Variants in IQCC observed in about 807,000 individuals in gnomAD.
IQCC encodes IQ motif containing C, also known as IQ domain-containing protein C.
In IQCC, 23 loss-of-function variants were observed where a neutral mutation model predicts 27.0. The observed-to-expected ratio is 0.85, with a 90% confidence interval of 0.61 to 1.21. The LOEUF is 1.21. Ranked by LOEUF, IQCC falls within the 50% of genes most tolerant of loss-of-function variation. The pLI is 0.00. For missense variants in IQCC, 552 were observed against 562.3 expected, an observed-to-expected ratio of 0.98 and a Z score of 0.19; for synonymous variants, 220 against 217.2, an observed-to-expected ratio of 1.01 and a Z score of -0.11.
rs564797132 is a variant in IQCC, at chr1:32,207,337, G to A, written c.656G>A (p.Arg219Lys). 6.2e-7 allele frequency: 1 copy of A among 1,614,050 alleles called. No homozygotes were observed. Among genetic ancestry groups the A allele is most frequent in the South Asian group, 1.1e-5 (1 of 91,074 alleles). The stretch of plus-strand genomic sequence containing the variant: ...GAACATGGGGAACAGGCCTGTGAGA[G>A]GGACCAGTCACAACCAAGCGCACCA... The part of the protein sequence containing the change: ...FLEHGEQACE[R>K]DQSQPSAPLE... Residue 219 changes from arginine to lysine, a missense_variant, in exon 5 of 5, where the codon AGG (arginine) becomes AAG (lysine). By Grantham distance (26) the Arg-to-Lys change is conservative (BLOSUM62 2). Coordinates refer to ENST00000291358, the MANE Select transcript of IQCC (RefSeq NM_018134.3).
chr1:32,207,481 A>C lies in IQCC; in HGVS notation c.800A>C (p.Asn267Thr). The change falls in exon 5 of 5, where the codon AAC becomes ACC. Residue 267 changes from asparagine to threonine, a missense_variant. Transcript: ENST00000291358. ...SPGSLATTQK[N>T]IAGAKCREPC... ...GGAAGTTTGGCCACTACACAAAAAA[A>C]CATTGCTGGGGCTAAGTGCAGAGAA... 1.2e-6 allele frequency: 2 copies of C among 1,613,406 alleles called. No homozygotes were observed. Among genetic ancestry groups the C allele is most frequent in the Non-Finnish European group, 1.7e-6 (2 of 1,179,732 alleles).
chr1:32,205,782 G>A lies in IQCC; in HGVS notation c.42+59G>A, dbSNP rs1643309172. ...TCCTTTAGGGAAATCATGGGGTCTC[G>A]TACCTGGACCTCCCAGCGAGATGCT... On this transcript the variant is annotated intron_variant, in intron 1 of 4. Transcript: ENST00000291358. This position sits in a 1 kb window ranked among gnomAD's most constrained non-coding sequence, Gnocchi z 5.6. 2 of 1,598,252 alleles carry A rather than the reference G, an allele frequency of 1.3e-6. No individual in the cohort carries two copies. Among genetic ancestry groups the A allele is most frequent in the Admixed American group, 3.5e-5 (2 of 56,466 alleles).
In IQCC at chr1:32,207,572, G is replaced by C. The variant is rs1240373665; in HGVS notation, c.891G>C (p.Arg297Ser). Residue 297 changes from arginine (R) to serine (S), a missense_variant, in exon 5 of 5, where the codon AGG becomes AGC. Transcript: ENST00000291358. ...IPSNSQALGD[R>S]LTKGPDDGRQ... is the part of the protein sequence containing the mutation. ...CAAACAGCCAGGCCTTGGGGGACAG[G>C]CTCACCAAAGGGCCAGACGATGGAA... 1.2e-6 allele frequency: 2 copies of C among 1,612,786 alleles called. No homozygotes were observed. The highest frequency in any genetic ancestry group is 2.2e-5 in the South Asian group (2 of 91,058).
Position 32,207,100 on chromosome 1 carries a change from G to A in IQCC, c.538G>A (p.Ala180Thr). ...CATGGAATTGCTGTGGCTGCAACAG[G>A]CCATCAATAGCCGTAAGGAGGTAAC... is the stretch of plus-strand genomic sequence containing the variant. ...LAMELLWLQQ[A>T]INSRKEYLLL... Residue 180 changes from alanine to threonine, a missense_variant, in exon 4 of 5, where the codon GCC becomes ACC. By Grantham distance (58) the Ala-to-Thr change is moderately conservative (BLOSUM62 0). Transcript: ENST00000291358. 1 of 1,609,402 alleles carries A rather than the reference G, an allele frequency of 6.2e-7. No homozygotes were observed. Among genetic ancestry groups the A allele is most frequent in the African/African-American group, 1.3e-5 (1 of 74,832 alleles).
Position 32,205,687 on chromosome 1 carries a change from G to A in IQCC, c.6G>A (p.Glu2=), listed in dbSNP as rs754960759. ...GGGCCTGGCAGTTGGCGCCCATGGA[G>A]CCAGAGCTGCTGGTTCGGAAGGTGT... M[E]PELLVRKVSA... The change falls in exon 1 of 5, where the codon GAG becomes GAA. Residue 2 remains glutamate, a synonymous_variant. Transcript: ENST00000291358. The surrounding 1 kb of genome is among the most constrained non-coding windows in gnomAD (Gnocchi z 5.6). 2 of 1,604,496 alleles carry A rather than the reference G, an allele frequency of 1.2e-6. No individual in the cohort carries two copies. Among genetic ancestry groups the A allele is most frequent in the Admixed American group, 1.7e-5 (1 of 59,610 alleles).
Position 32,207,994 on chromosome 1 carries a change from C to T in IQCC, c.1313C>T (p.Ser438Leu). Residue 438 changes from serine (S) to leucine (L), a missense_variant, in exon 5 of 5, where the codon TCA becomes TTA. Transcript: ENST00000291358. Reference sequence around the variant, plus strand: ...AGGACTATACCATGGAGATCAAAGTCACCTGAGATTCTGTCTTCTACAAAG... The same window carrying T: ...AGGACTATACCATGGAGATCAAAGTTACCTGAGATTCTGTCTTCTACAAAG... Reference protein sequence around the residue: ...KQRTIPWRSKSPEILSSTKAG... With the variant: ...KQRTIPWRSKLPEILSSTKAG... The T allele has an allele frequency of 6.2e-7, 1 of 1,614,192 alleles. No individual in the cohort carries two copies. The highest frequency in any genetic ancestry group is 8.5e-7 in the Non-Finnish European group (1 of 1,180,010).
intron 4 of IQCC, 56 bp from the exon 5 acceptor site, chr1:32,207,184 A>C: frequency 1.9e-6 from 3 of 1,602,180 alleles, no homozygotes; most frequent in African/African-American, 1.3e-5. Context: ...GGGAGAGACG[A>C]CCTGCCATGC....
At position 32,205,965 on chromosome 1, in the gene IQCC, C is replaced by T. The variant is rs1173581814; in HGVS notation, c.43-189C>T. The T allele has an allele frequency of 1.3e-6, 2 of 1,554,258 alleles. No homozygotes were observed. Among genetic ancestry groups the T allele is most frequent in the Non-Finnish European group, 1.7e-6 (2 of 1,148,400 alleles). On this transcript the variant is annotated intron_variant, in intron 1 of 4. Transcript: ENST00000291358. The surrounding 1 kb of genome is among the most constrained non-coding windows in gnomAD (Gnocchi z 5.6). The stretch of plus-strand genomic sequence containing the variant: ...CAGGGAAACGGGAAGAGCCTTAAGG[C>T]GAGGAGGGGCATCCAGTCTGGCATC...
chr1:32,207,567 G>T lies in IQCC; in HGVS notation c.886G>T (p.Asp296Tyr), dbSNP rs1643404055. The T allele has an allele frequency of 3.1e-6, 5 of 1,612,638 alleles. No individual in the cohort carries two copies. The highest frequency in any genetic ancestry group is 2.2e-5 in the East Asian group (1 of 44,872). ...ACCATCAAACAGCCAGGCCTTGGGG[G>T]ACAGGCTCACCAAAGGGCCAGACGA... is the stretch of plus-strand genomic sequence containing the variant. ...SIPSNSQALG[D>Y]RLTKGPDDGR... Residue 296 changes from aspartate to tyrosine, a missense_variant, in exon 5 of 5, where the codon GAC becomes TAC. Physicochemically the swap from Asp to Tyr is radical, Grantham distance 160. Transcript: ENST00000291358.
rs1643328091 is a variant in IQCC, at chr1:32,206,179, G to C, written c.68G>C (p.Arg23Pro). The change falls in exon 2 of 5, where the codon CGA becomes CCA. Residue 23 changes from arginine (R) to proline (P), a missense_variant. Physicochemically the swap from Arg to Pro is moderately radical, Grantham distance 103. Transcript: ENST00000291358. ...GCCTGCGTCCGGGGCTTCTTGGTCCGACGCCAGTTCCAGAGCCTGCGAGCT... is the reference window on the plus strand; with the variant it reads ...GCCTGCGTCCGGGGCTTCTTGGTCCCACGCCAGTTCCAGAGCCTGCGAGCT... ...LQACVRGFLV[R>P]RQFQSLRAEY... 1 of 1,614,026 alleles carries C rather than the reference G, an allele frequency of 6.2e-7. No homozygotes were observed. The highest frequency in any genetic ancestry group is 1.3e-5 in the African/African-American group (1 of 74,914).
chr1:32,207,709 C>T lies in IQCC; in HGVS notation c.1028C>T (p.Ser343Phe), dbSNP rs552569695. 13 of 1,614,058 alleles carry T rather than the reference C, an allele frequency of 8.1e-6. No homozygotes were observed. In the African/African-American group the frequency reaches 1.6e-4, roughly 20 times the overall value. The change falls in exon 5 of 5, where the codon TCT (serine) becomes TTT (phenylalanine). Residue 343 changes from serine to phenylalanine, a missense_variant. Physicochemically the swap from Ser to Phe is radical, Grantham distance 155. Coordinates refer to ENST00000291358, the MANE Select transcript of IQCC (RefSeq NM_018134.3). ...CCCAGGAAGTCCAGGACACAGCTGTCTGCACTCTATGAGGACTCAAATATT... is the reference window on the plus strand; with the variant it reads ...CCCAGGAAGTCCAGGACACAGCTGTTTGCACTCTATGAGGACTCAAATATT... ...HCPRKSRTQL[S>F]ALYEDSNIKE...
chr1:32,206,341 G>A (rs759921004), intron 2 of IQCC, 44 bp downstream of exon 2: 1 of 1,608,792 alleles, frequency 6.2e-7, no homozygotes, highest in East Asian at 2.2e-5. Flanking sequence ...ACTTGGGCAG[G>A]GTGGAACCCA....
At position 32,205,970 on chromosome 1, in the gene IQCC, A is replaced by T; in HGVS notation, c.43-184A>T. The T allele has an allele frequency of 1.3e-6, 2 of 1,555,786 alleles. No homozygotes were observed. The highest frequency in any genetic ancestry group is 1.7e-6 in the Non-Finnish European group (2 of 1,149,124). The stretch of plus-strand genomic sequence containing the variant: ...AAACGGGAAGAGCCTTAAGGCGAGG[A>T]GGGGCATCCAGTCTGGCATCGTCCC... On this transcript the variant is annotated intron_variant, in intron 1 of 4. Transcript: ENST00000291358. This position sits in a 1 kb window ranked among gnomAD's most constrained non-coding sequence, Gnocchi z 5.6.
In IQCC at chr1:32,208,186, C is replaced by T. The variant is rs1467605631; in HGVS notation, c.*104C>T. 1.2e-5 allele frequency: 16 copies of T among 1,294,440 alleles called. No individual in the cohort carries two copies. The highest frequency in any genetic ancestry group is 4.8e-5 in the South Asian group (3 of 62,830). 80.2% of individuals were successfully genotyped at this position (1,294,440 alleles called of 1,614,324 possible). The stretch of plus-strand genomic sequence containing the variant: ...TCCCTGACCAGCTCTGGCTTCTGCT[C>T]CTGCCCCTGGCCATTGGTGACTAGT... On this transcript the variant is annotated 3_prime_UTR_variant, in exon 5 of 5. Coordinates refer to ENST00000291358, the MANE Select transcript of IQCC (RefSeq NM_018134.3).
chr1:32,206,873 C>G, intron 3 of IQCC, 112 bp downstream of exon 3: 1 of 1,455,768 alleles, frequency 6.9e-7, no homozygotes, highest in South Asian at 1.3e-5. Context: ...CCCGTCTTCC[C>G]TCTGCCGGGA....
In IQCC at chr1:32,207,718, A is replaced by G. The variant is rs373454952; in HGVS notation, c.1037A>G (p.Tyr346Cys). ...RKSRTQLSAL[Y>C]EDSNIKEMSP... The stretch of plus-strand genomic sequence containing the variant: ...TCCAGGACACAGCTGTCTGCACTCT[A>G]TGAGGACTCAAATATTAAGGAGATG... Residue 346 changes from tyrosine (Y) to cysteine (C), a missense_variant, in exon 5 of 5, where the codon TAT (tyrosine) becomes TGT (cysteine). Physicochemically the swap from Tyr to Cys is radical, Grantham distance 194. Transcript: ENST00000291358. 8.5e-5 allele frequency: 137 copies of G among 1,613,878 alleles called. No homozygotes were observed. The highest frequency in any genetic ancestry group is 5.3e-4 in the South Asian group (48 of 91,084).
Position 32,205,981 on chromosome 1 carries a change from G to A in IQCC, c.43-173G>A, listed in dbSNP as rs1386074837. 3.9e-6 allele frequency: 6 copies of A among 1,558,272 alleles called. No individual in the cohort carries two copies. The African/African-American group carries it at 8.2e-5, about 21-fold the overall frequency. ...GCCTTAAGGCGAGGAGGGGCATCCAGTCTGGCATCGTCCCTCGAGCCCCCC... is the reference window on the plus strand; with the variant it reads ...GCCTTAAGGCGAGGAGGGGCATCCAATCTGGCATCGTCCCTCGAGCCCCCC... On this transcript the variant is annotated intron_variant, in intron 1 of 4. Transcript: ENST00000291358. This position sits in a 1 kb window ranked among gnomAD's most constrained non-coding sequence, Gnocchi z 5.6.
rs770616565 is a variant in IQCC, at chr1:32,207,926, T to A, written c.1245T>A (p.Asp415Glu). The change falls in exon 5 of 5, where the codon GAT (aspartate) becomes GAA (glutamate). Residue 415 changes from aspartate (D) to glutamate (E), a missense_variant. Transcript: ENST00000291358. ...GQAPTDRSSRDGTSNEPSHEG... is the reference protein window; with the variant it reads ...GQAPTDRSSREGTSNEPSHEG... ...CCCCCACTGATAGAAGCTCCAGAGA[T>A]GGAACCTCCAATGAGCCTAGTCATG... is the stretch of plus-strand genomic sequence containing the variant. 7 of 1,614,126 alleles carry A rather than the reference T, an allele frequency of 4.3e-6. No homozygotes were observed. The East Asian group carries it at 1.6e-4, about 36-fold the overall frequency.
Position 32,207,054 on chromosome 1 carries a change from G to C in IQCC, c.492G>C (p.Gln164His), listed in dbSNP as rs781455614. 1.2e-6 allele frequency: 2 copies of C among 1,613,712 alleles called. No homozygotes were observed. Among genetic ancestry groups the C allele is most frequent in the East Asian group, 4.5e-5 (2 of 44,890 alleles). The change falls in exon 4 of 5, where the codon CAG becomes CAC. Residue 164 changes from glutamine to histidine, a missense_variant. Coordinates refer to ENST00000291358, the MANE Select transcript of IQCC (RefSeq NM_018134.3). ...GCCAACCTCAGCTTCAAGAGCTTCA[G>C]TACCACCGCAGCCACTTGGCCATGG... ...PHSQPQLQEL[Q>H]YHRSHLAMEL...
Sources: gnomAD v4.1 joint callset for allele counts on GRCh38, gnomAD v4.1.1 for gene constraint, Gnocchi (gnomAD v3.1) non-coding constraint, MANE v1.5 for transcripts, NCBI Gene and HGNC (gene_info 2026-07-23, HGNC 2026-07-21) for gene names.